The following PTPN13 variants were observed in gnomAD, a reference collection of about 807,000 sequenced individuals.
PTPN13 encodes the protein tyrosine-protein phosphatase non-receptor type 13.
A neutral mutation model predicts 284.0 loss-of-function variants in PTPN13; 191 were observed. The observed-to-expected ratio is 0.67, with a 90% CI of 0.60 to 0.76. The LOEUF (loss-of-function observed/expected upper bound fraction) is 0.76, where lower values mean the gene tolerates loss of function less well. Ranked by LOEUF, PTPN13 falls within the 30% of genes least tolerant of loss-of-function variation. PTPN13 has a pLI of 0.00. For synonymous variants in PTPN13, 986 were observed against 1,022.3 expected (o/e 0.96, Z 0.68); for missense variants, 2,797 against 2,939.9 (o/e 0.95, Z 1.12).
At chr4:86,724,269 C>T (rs774483166) in intron 10 of PTPN13, among the ~76,000 whole-genome samples, 1 of 152,132 alleles carries the variant, frequency 6.6e-6, no homozygotes, top group Non-Finnish European at 1.5e-5. Flanking sequence ...CCAATATCTA[C>T]ATCAAAACTA....
Position 86,722,359 on chromosome 4 carries a change from G to T in PTPN13, c.1533G>T (p.Ala511=), listed in dbSNP as rs367726205. Residue 511 remains alanine (A), a synonymous_variant, in exon 10 of 48, where the codon GCG becomes GCT. Coordinates refer to ENST00000411767, the MANE Select transcript of PTPN13 (RefSeq NM_080683.3). The stretch of plus-strand genomic sequence containing the variant: ...TATATCCAGGAGACACAATCAAAGC[G>T]TCCATGCTTGACATCACCAGGGATC... The part of the protein sequence containing the change: ...LSLYPGDTIK[A]SMLDITRDPL... The T allele has an allele frequency of 3.1e-6, 5 of 1,613,554 alleles. No individual in the cohort carries two copies. The highest frequency in any genetic ancestry group is 4.2e-6 in the Non-Finnish European group (5 of 1,179,808).
intron 2 of PTPN13, among the ~76,000 whole-genome samples, chr4:86,651,719 A>G (rs1725105621): frequency 6.6e-6 from 1 of 151,994 alleles, no homozygotes; most frequent in African/African-American, 2.4e-5. Context: ...TTGGGTGTAT[A>G]TTTCTAGGAA....
rs373396096 is a variant in PTPN13, at chr4:86,774,171, C to T, written c.5350-202C>T. ...ATGTTGTGCTTAAACATAACTTTTACGTGGGATGCAGTGGGGGGACAGTCT... is the reference window on the plus strand; with the variant it reads ...ATGTTGTGCTTAAACATAACTTTTATGTGGGATGCAGTGGGGGGACAGTCT... On this transcript the variant is annotated intron_variant, in intron 32 of 47. Transcript: ENST00000411767. Among the ~76,000 whole-genome samples the T allele has an allele frequency of 5.9e-5, 9 of 152,078 alleles. No individual in the cohort carries two copies. In the East Asian group the frequency reaches 9.6e-4, roughly 16 times the overall value.
chr4:86,796,553 G>T (rs1300240305), intron 40 of PTPN13, among the ~76,000 whole-genome samples: 1 of 152,130 alleles, frequency 6.6e-6, no homozygotes. Flanking sequence ...GAGGCAGGAG[G>T]ATTGCTTGAG....
At chr4:86,709,072 C>T (rs1732085682) in intron 7 of PTPN13, among the ~76,000 whole-genome samples, 1 of 150,682 alleles carries the variant, frequency 6.6e-6, no homozygotes, top group African/African-American at 2.4e-5. Flanking sequence ...CACACACATA[C>T]ACACACACAC....
At chr4:86,651,660 C>G (rs990189375) in intron 2 of PTPN13, among the ~76,000 whole-genome samples, 11 of 152,096 alleles carry the variant, frequency 7.2e-5, no homozygotes, top group Non-Finnish European at 1.2e-4. Context: ...TATCTCATTA[C>G]TTGTTATTGG....
At chr4:86,678,257 G>GA (rs1258046892) in intron 3 of PTPN13, among the ~76,000 whole-genome samples, 26 of 152,068 alleles carry the variant, frequency 1.7e-4, no homozygotes, top group Non-Finnish European at 2.2e-4. Flanking sequence ...AGGAAATACC[G>GA]AAAGAAAAGA....
intron 1 of PTPN13, among the ~76,000 whole-genome samples, chr4:86,632,803 T>C (rs144677200): frequency 1.3e-3 from 191 of 152,164 alleles, no homozygotes; most frequent in African/African-American, 4.4e-3. Context: ...AACTTACCCT[T>C]TAAAAAAATT....
intron 2 of PTPN13, among the ~76,000 whole-genome samples, chr4:86,655,739 G>A (rs545574959): frequency 1.6e-4 from 25 of 152,224 alleles, no homozygotes; most frequent in African/African-American, 6.0e-4. Flanking sequence ...TTCTTCTCGA[G>A]GAGTATCTTT....
rs1350257508 is a variant in PTPN13, at chr4:86,672,479, G to A, written c.230G>A (p.Arg77Gln). 33 of 1,604,428 alleles carry A rather than the reference G, an allele frequency of 2.1e-5. No individual in the cohort carries two copies. Among genetic ancestry groups the A allele is most frequent in the African/African-American group, 4.0e-5 (3 of 74,862 alleles). Residue 77 changes from arginine (R) to glutamine (Q), a missense_variant, in exon 3 of 48, where the codon CGA (arginine) becomes CAA (glutamine). Transcript: ENST00000411767. Reference protein sequence around the residue: ...TDENISNQDLRAFTAPEVLQN... With the variant: ...TDENISNQDLQAFTAPEVLQN... ...GAAAATATTTCCAATCAGGATCTTC[G>A]AGCATTCACTGCACCAGAGGTTCTT...
intron 1 of PTPN13, among the ~76,000 whole-genome samples, chr4:86,616,864 G>A (rs1720607672): frequency 1.3e-5 from 2 of 152,166 alleles, no homozygotes; most frequent in Admixed American, 6.5e-5. Context: ...TGCAAGAACA[G>A]CCTAATACAG....
At chr4:86,653,750 T>C (rs796238472) in intron 2 of PTPN13, among the ~76,000 whole-genome samples, 3 of 152,288 alleles carry the variant, frequency 2.0e-5, no homozygotes, top group African/African-American at 7.2e-5. Flanking sequence ...CCTTTATTTG[T>C]ATTATTTTTT....
At chr4:86,767,728 TTTA>T (rs1278908784) in intron 27 of PTPN13, 86 bp from the exon 28 acceptor site, 11 of 1,077,568 alleles carry the variant, frequency 1.0e-5, no homozygotes, top group Non-Finnish European at 1.3e-5. Flanking sequence ...TTTAAATGAT[TTTA>T]TACCATTAAC....
intron 7 of PTPN13, among the ~76,000 whole-genome samples, chr4:86,711,124 A>G (rs1578469097): frequency 1.4e-5 from 1 of 69,564 alleles, no homozygotes; most frequent in African/African-American, 5.5e-5. Flanking sequence ...TTTTGGAGAG[A>G]TGGGGTTTCA....
At chr4:86,744,802 C>T (rs551959199) in intron 16 of PTPN13, among the ~76,000 whole-genome samples, 164 bp from the exon 17 acceptor site, 58 of 152,234 alleles carry the variant, frequency 3.8e-4, no homozygotes, top group African/African-American at 1.1e-3. Flanking sequence ...ATGACAAAAT[C>T]GCCTCATGAT....
intron 35 of PTPN13, among the ~76,000 whole-genome samples, chr4:86,776,876 C>G (rs1740713797): frequency 6.6e-6 from 1 of 152,076 alleles, no homozygotes; most frequent in African/African-American, 2.4e-5. Flanking sequence ...TTTACAGTGT[C>G]ATAAAGCTGC....
At chr4:86,753,246 T>A (rs1202294911) in intron 20 of PTPN13, among the ~76,000 whole-genome samples, 181 bp downstream of exon 20, 1 of 152,120 alleles carries the variant, frequency 6.6e-6, no homozygotes, top group East Asian at 1.9e-4. Flanking sequence ...TGATTTAGGC[T>A]AATGTTGATG....
intron 7 of PTPN13, among the ~76,000 whole-genome samples, chr4:86,712,322 G>A (rs1732504760): frequency 6.6e-6 from 1 of 151,070 alleles, no homozygotes; most frequent in Admixed American, 6.6e-5. Flanking sequence ...TATCTGGTTA[G>A]TGCCTACTAG....
chr4:86,774,645 G>A, intron 33 of PTPN13, 114 bp downstream of exon 33: 2 of 910,614 alleles, frequency 2.2e-6, no homozygotes, highest in Non-Finnish European at 2.9e-6. Flanking sequence ...TATGCTTTCT[G>A]TTTCCACCAC....
Sources: gnomAD v4.1 joint callset for allele counts (sites outside exome capture counted in the v4.1 genomes callset) on GRCh38, gnomAD v4.1.1 for gene constraint, MANE v1.5 for transcripts, NCBI Gene and HGNC (gene_info 2026-07-23, HGNC 2026-07-21) for gene names.